PLCL1: variants seen among roughly 807,000 people sequenced by gnomAD.
PLCL1 encodes inactive phospholipase C-like protein 1.
Under a neutral mutation model 84.4 loss-of-function variants are expected in PLCL1, and 41 were observed. That is an observed-to-expected ratio of 0.49 (90% CI 0.38 to 0.63). The LOEUF is 0.63. Among genes scored for constraint, PLCL1 ranks in the 30% least tolerant of loss-of-function variants. The probability of loss-of-function intolerance (pLI) is 0.00; values close to 1 mark genes in which losing one functional copy is unlikely to be tolerated. For synonymous variants in PLCL1, 490 were observed against 488.3 expected, an observed-to-expected ratio of 1.00 and a Z score of -0.05; for missense variants, 1,206 against 1,367.8, an observed-to-expected ratio of 0.88 and a Z score of 1.87.
chr2:197,877,581 A>G (rs919682953), intron 1 of PLCL1, among the ~76,000 whole-genome samples: 5 of 152,170 alleles, frequency 3.3e-5, no homozygotes, highest in Non-Finnish European at 5.9e-5. Context: ...AATATATTTT[A>G]CCAAGTGAAT....
chr2:198,036,552 T>C (rs1691554084), intron 1 of PLCL1, among the ~76,000 whole-genome samples: 1 of 152,190 alleles, frequency 6.6e-6, no homozygotes, highest in African/African-American at 2.4e-5. Flanking sequence ...ACTTTTGGGG[T>C]TCCTTCTATA....
intron 1 of PLCL1, among the ~76,000 whole-genome samples, chr2:198,024,386 C>T (rs1691212628): frequency 1.3e-5 from 2 of 150,830 alleles, no homozygotes; most frequent in Non-Finnish European, 2.9e-5. Flanking sequence ...ATCTCAGAAC[C>T]TAAAGTATAA....
chr2:197,876,452 AC>A (rs1687733180), intron 1 of PLCL1, among the ~76,000 whole-genome samples: 1 of 152,014 alleles, frequency 6.6e-6, no homozygotes, highest in Admixed American at 6.6e-5. Flanking sequence ...TAATATTTTG[AC>A]CTCCCAATTT....
At chr2:197,952,897 T>C (rs770338618) in intron 1 of PLCL1, among the ~76,000 whole-genome samples, 1 of 152,106 alleles carries the variant, frequency 6.6e-6, no homozygotes, top group Non-Finnish European at 1.5e-5. Context: ...TCCCCAGCCA[T>C]GTGGAACTGT....
chr2:197,867,893 G>A (rs1470190913), intron 1 of PLCL1, among the ~76,000 whole-genome samples: 2 of 152,154 alleles, frequency 1.3e-5, no homozygotes, highest in Non-Finnish European at 2.9e-5. Flanking sequence ...GCTGCTGTGT[G>A]CTGTAAATTG....
chr2:198,085,118 A>G lies in PLCL1; in HGVS notation c.1601A>G (p.Lys534Arg), dbSNP rs1236411142. Residue 534 changes from lysine (K) to arginine (R), a missense_variant, in exon 2 of 6, where the codon AAA becomes AGA. Physicochemically the swap from Lys to Arg is conservative, Grantham distance 26 (BLOSUM62 2). Coordinates refer to ENST00000428675, the MANE Select transcript of PLCL1 (RefSeq NM_006226.4). This position sits in a 1 kb window ranked among gnomAD's most constrained non-coding sequence, Gnocchi z 5.3. ...ESYLPSPEKL[K>R]RMIIVKGKKL... Reference sequence around the variant, plus strand: ...TACCTCCCATCACCAGAAAAATTAAAAAGAATGATCATTGTGAAAGGAAAG... The same window carrying G: ...TACCTCCCATCACCAGAAAAATTAAGAAGAATGATCATTGTGAAAGGAAAG... The G allele has an allele frequency of 9.9e-6, 16 of 1,614,148 alleles. No homozygotes were observed. Among genetic ancestry groups the G allele is most frequent in the Non-Finnish European group, 1.3e-5 (15 of 1,179,996 alleles).
intron 1 of PLCL1, among the ~76,000 whole-genome samples, chr2:197,846,171 A>G (rs536950370): frequency 9.2e-5 from 14 of 152,158 alleles, no homozygotes; most frequent in Non-Finnish European, 1.5e-4. Flanking sequence ...TGGACTTTGT[A>G]TAGAAAATGA....
chr2:197,834,343 AC>A (rs1297701878), intron 1 of PLCL1, among the ~76,000 whole-genome samples: 1 of 152,210 alleles, frequency 6.6e-6, no homozygotes, highest in Non-Finnish European at 1.5e-5. Flanking sequence ...ATCAAAAGAA[AC>A]TGTCATCAGA....
intron 1 of PLCL1, among the ~76,000 whole-genome samples, chr2:197,875,271 G>A (rs928709199): frequency 3.3e-5 from 5 of 151,984 alleles, no homozygotes; most frequent in Non-Finnish European, 7.4e-5. Flanking sequence ...GGGTGACAGA[G>A]GGACACTCCA....
intron 1 of PLCL1, among the ~76,000 whole-genome samples, chr2:197,923,964 C>T (rs1007569480): frequency 2.7e-3 from 411 of 151,844 alleles, no homozygotes; most frequent in African/African-American, 9.1e-3. Flanking sequence ...GAGACCGGCC[C>T]GGCCAACACA....
At chr2:197,838,518 A>G (rs1360459287) in intron 1 of PLCL1, among the ~76,000 whole-genome samples, 2 of 152,226 alleles carry the variant, frequency 1.3e-5, no homozygotes, top group Non-Finnish European at 1.5e-5. Context: ...AAAGTACTGG[A>G]TCACAAAGAA....
At chr2:198,101,658 C>T (rs1364111977) in intron 4 of PLCL1, among the ~76,000 whole-genome samples, 1 of 151,960 alleles carries the variant, frequency 6.6e-6, no homozygotes, top group Non-Finnish European at 1.5e-5. Flanking sequence ...TCAAAACCTT[C>T]TACTGCTGGT....
chr2:198,126,067 A>G (rs539959277), intron 5 of PLCL1, among the ~76,000 whole-genome samples: 1 of 151,880 alleles, frequency 6.6e-6, no homozygotes, highest in East Asian at 1.9e-4. Flanking sequence ...ATAATTCTTT[A>G]ATTTGTTTCT....
At chr2:198,099,683 A>G (rs1190458406) in intron 3 of PLCL1, among the ~76,000 whole-genome samples, 2 of 152,268 alleles carry the variant, frequency 1.3e-5, no homozygotes, top group South Asian at 2.1e-4. Flanking sequence ...GTAAAATTAT[A>G]CTCGATTATC....
intron 3 of PLCL1, among the ~76,000 whole-genome samples, chr2:198,091,938 C>A (rs563330393): frequency 6.7e-6 from 1 of 149,986 alleles, no homozygotes; most frequent in African/African-American, 2.5e-5. Flanking sequence ...CAACCTCATC[C>A]GCCTCTCACA....
intron 1 of PLCL1, among the ~76,000 whole-genome samples, chr2:197,892,721 A>G (rs1002256329): frequency 2.6e-5 from 4 of 152,202 alleles, no homozygotes; most frequent in Non-Finnish European, 5.9e-5. Context: ...TGGACCAGGT[A>G]TGGTGGCTCA....
At chr2:198,126,654 C>T (rs1035961316) in intron 5 of PLCL1, among the ~76,000 whole-genome samples, 1 of 152,064 alleles carries the variant, frequency 6.6e-6, no homozygotes, top group African/African-American at 2.4e-5. Context: ...CCTGTAATCC[C>T]AGCACTTTGG....
chr2:198,101,318 G>A lies in PLCL1; in HGVS notation c.2953G>A (p.Ala985Thr). The change falls in exon 4 of 6, where the codon GCG (alanine) becomes ACG (threonine). Residue 985 changes from alanine to threonine, a missense_variant. Physicochemically the swap from Ala to Thr is moderately conservative, Grantham distance 58. Transcript: ENST00000428675. ...AGAGAGCCGGTTTCTCATAGAAATGGCGGACACAGTCCAGGAAAAGATTGT... is the reference window on the plus strand; with the variant it reads ...AGAGAGCCGGTTTCTCATAGAAATGACGGACACAGTCCAGGAAAAGATTGT... ...IQESRFLIEMADTVQEKIVQC... is the reference protein window; with the variant it reads ...IQESRFLIEMTDTVQEKIVQC... The A allele has an allele frequency of 6.2e-7, 1 of 1,600,610 alleles. No homozygotes were observed. Among genetic ancestry groups the A allele is most frequent in the Non-Finnish European group, 8.6e-7 (1 of 1,169,404 alleles).
At chr2:197,968,871 T>C (rs1689800719) in intron 1 of PLCL1, among the ~76,000 whole-genome samples, 1 of 152,182 alleles carries the variant, frequency 6.6e-6, no homozygotes, top group South Asian at 2.1e-4. Context: ...TGATGGCTGG[T>C]TCAGAGATGG....
Sources: allele counts gnomAD v4.1 joint callset (sites outside exome capture counted in the v4.1 genomes callset), GRCh38; gene constraint gnomAD v4.1.1; non-coding constraint Gnocchi (gnomAD v3.1); transcripts MANE v1.5; gene names NCBI Gene and HGNC (gene_info 2026-07-23, HGNC 2026-07-21).